The following DCTN6 variants were observed in gnomAD, a reference collection of about 807,000 sequenced individuals.
The protein encoded by DCTN6 is dynactin subunit 6.
Under a neutral mutation model 25.8 loss-of-function variants are expected in DCTN6, and 15 were observed. The ratio of observed to expected loss-of-function variants is 0.58; its 90% confidence interval spans 0.39 to 0.89. The LOEUF (loss-of-function observed/expected upper bound fraction) is 0.89. Ranked by LOEUF, DCTN6 falls within the 40% of genes least tolerant of loss-of-function variation. The pLI, the probability that DCTN6 is intolerant of heterozygous loss-of-function variation, is 0.00. For missense variants in DCTN6, 198 were observed against 237.6 expected (o/e 0.83, Z 1.09); for synonymous variants, 64 against 78.3 (o/e 0.82, Z 0.96).
intron 2 of DCTN6, among the ~76,000 whole-genome samples, chr8:30,166,223 G>A (rs1237571613): frequency 2.6e-5 from 4 of 151,052 alleles, no homozygotes; most frequent in African/African-American, 7.3e-5. Flanking sequence ...ATTTTCCCTG[G>A]CATTTCTACT....
rs1469927790 is a variant in DCTN6, at chr8:30,165,496, C to T, written c.88+1321C>T. On this transcript the variant is annotated intron_variant, in intron 2 of 6. Transcript: ENST00000221114. The stretch of plus-strand genomic sequence containing the variant: ...TTTTTTTTCCAAAAAAAAATCTAAG[C>T]CTCCAAACAATTTAGGCATCTTGTC... Among the ~76,000 whole-genome samples the T allele has an allele frequency of 3.3e-5, 5 of 150,136 alleles. No individual in the cohort carries two copies. The East Asian group carries it at 9.7e-4, about 29-fold the overall frequency.
intron 6 of DCTN6, chr8:30,180,966 C>T (rs1394380960): frequency 1.2e-5 from 4 of 330,884 alleles, no homozygotes; most frequent in Non-Finnish European, 2.2e-5. Context: ...TGTGAGGTTA[C>T]CATGAGCCAT....
At chr8:30,173,741 A>AAAC (rs1803793956) in intron 2 of DCTN6, among the ~76,000 whole-genome samples, 1 of 146,108 alleles carries the variant, frequency 6.8e-6, no homozygotes, top group Non-Finnish European at 1.5e-5. Flanking sequence ...TAAAAAAAAA[A>AAAC]AAAAAAAAAA....
intron 2 of DCTN6, chr8:30,165,628 G>C (rs186333315): frequency 6.5e-6 from 1 of 153,196 alleles, no homozygotes; most frequent in East Asian, 1.9e-4. Flanking sequence ...ACTTTGTGAG[G>C]CTGAGGCGGG....
intron 2 of DCTN6, among the ~76,000 whole-genome samples, chr8:30,165,122 G>T (rs781699968): frequency 9.2e-5 from 14 of 152,188 alleles, no homozygotes; most frequent in Non-Finnish European, 1.5e-4. Flanking sequence ...TTTCTTGAAA[G>T]AAAACATGAA....
chr8:30,162,620 ATG>A (rs1231642049), intron 1 of DCTN6, among the ~76,000 whole-genome samples: 3 of 152,356 alleles, frequency 2.0e-5, no homozygotes, highest in Admixed American at 6.5e-5. Flanking sequence ...GTACTTCCTC[ATG>A]TCAGCTCATG....
chr8:30,175,199 CTT>C lies in DCTN6; in HGVS notation c.194+10_194+11del. 2 of 1,608,402 alleles carry C rather than the reference CTT, an allele frequency of 1.2e-6. No individual in the cohort carries two copies. The highest frequency in any genetic ancestry group is 1.7e-6 in the Non-Finnish European group (2 of 1,175,430). On this transcript the variant is annotated intron_variant, in intron 3 of 6. Transcript: ENST00000221114. The stretch of plus-strand genomic sequence containing the variant: ...GCCCTTATCATAAATGCGTAAGACT[CTT>C]ATACATACTGTGAACCAAGTACCAT...
intron 6 of DCTN6, 80 bp downstream of exon 6, chr8:30,180,710 G>A (rs1191079790): frequency 4.0e-6 from 6 of 1,489,842 alleles, no homozygotes; most frequent in Non-Finnish European, 3.7e-6. Context: ...TGAGGCAGCA[G>A]GTACACTATT....
chr8:30,179,254 C>T (rs2117599122), intron 4 of DCTN6, among the ~76,000 whole-genome samples, 154 bp from the exon 5 acceptor site: 1 of 152,258 alleles, frequency 6.6e-6, no homozygotes, highest in Non-Finnish European at 1.5e-5. Context: ...ACCGTTACCA[C>T]AGATTGCCCA....
intron 6 of DCTN6, among the ~76,000 whole-genome samples, chr8:30,181,558 C>T (rs2117602072): frequency 6.6e-6 from 1 of 152,256 alleles, no homozygotes; most frequent in South Asian, 2.1e-4. Flanking sequence ...TTTCGAGCCT[C>T]ATTGCTTGGC....
intron 3 of DCTN6, 113 bp from the exon 4 acceptor site, chr8:30,177,013 C>A (rs1054417324): frequency 6.9e-6 from 5 of 728,200 alleles, no homozygotes; most frequent in Admixed American, 2.6e-5. Flanking sequence ...ATAGTCATGT[C>A]TTTTAAGCTT....
intron 4 of DCTN6, among the ~76,000 whole-genome samples, chr8:30,178,754 A>C (rs1396718602): frequency 6.6e-6 from 1 of 152,028 alleles, no homozygotes; most frequent in Non-Finnish European, 1.5e-5. Context: ...CAGCTCCCAG[A>C]CTCAAGCAAT....
chr8:30,158,701 C>CTTTTTTTT, intron 1 of DCTN6, among the ~76,000 whole-genome samples: 1 of 99,008 alleles, frequency 1.0e-5, no homozygotes. Flanking sequence ...AGTAGATTGA[C>CTTTTTTTT]TTTTTTTTTT....
chr8:30,162,672 C>G (rs1376464326), intron 1 of DCTN6, among the ~76,000 whole-genome samples: 1 of 151,886 alleles, frequency 6.6e-6, no homozygotes, highest in Non-Finnish European at 1.5e-5. Context: ...CTTTGTCAAA[C>G]AAAAGATAAC....
chr8:30,174,597 A>T (rs1803806582), intron 2 of DCTN6, among the ~76,000 whole-genome samples: 1 of 152,020 alleles, frequency 6.6e-6, no homozygotes, highest in Non-Finnish European at 1.5e-5. Flanking sequence ...TGGCCTCCAC[A>T]TTTCTTCTCA....
intron 1 of DCTN6, among the ~76,000 whole-genome samples, chr8:30,160,787 T>C (rs745358360): frequency 6.6e-6 from 1 of 152,226 alleles, no homozygotes; most frequent in Non-Finnish European, 1.5e-5. Context: ...CTTGAACATC[T>C]GAGGACTGGT....
intron 6 of DCTN6, among the ~76,000 whole-genome samples, chr8:30,182,450 G>T (rs1295457577): frequency 1.3e-5 from 2 of 152,016 alleles, no homozygotes; most frequent in African/African-American, 4.8e-5. Flanking sequence ...TTACTTATGT[G>T]GTCTTCTGTA....
chr8:30,175,255 T>G, intron 3 of DCTN6, 65 bp downstream of exon 3: 7 of 1,401,786 alleles, frequency 5.0e-6, no homozygotes, highest in Non-Finnish European at 6.9e-6. Flanking sequence ...ATTTCAGCTG[T>G]CTGTAAGAAC....
chr8:30,156,484 G>A, intron 1 of DCTN6, 78 bp downstream of exon 1: 1 of 1,511,300 alleles, frequency 6.6e-7, no homozygotes, highest in Non-Finnish European at 9.0e-7. Context: ...CAATGGTGGC[G>A]ACTCAGAAGG....
Sources: allele counts gnomAD v4.1 joint callset (sites outside exome capture counted in the v4.1 genomes callset), GRCh38; gene constraint gnomAD v4.1.1; transcripts MANE v1.5; gene names NCBI Gene and HGNC (gene_info 2026-07-23, HGNC 2026-07-21).